Variants in TRPM7 observed in about 807,000 individuals in gnomAD.
TRPM7 encodes transient receptor potential cation channel subfamily M member 7.
Under a neutral mutation model 229.7 loss-of-function variants are expected in TRPM7, and 134 were observed. That is an observed-to-expected ratio of 0.58 (90% CI 0.51 to 0.67). TRPM7 has a LOEUF of 0.67. TRPM7 is among the 30% of genes least tolerant of loss of function. TRPM7 has a pLI of 0.00. For missense variants in TRPM7, 1,901 were observed against 2,210.0 expected, an observed-to-expected ratio of 0.86 and a Z score of 2.80; for synonymous variants, 699 against 715.2, an observed-to-expected ratio of 0.98 and a Z score of 0.36.
At chr15:50,649,754 C>T (rs922845678) in intron 3 of TRPM7, among the ~76,000 whole-genome samples, 1 of 152,104 alleles carries the variant, frequency 6.6e-6, no homozygotes, top group Admixed American at 6.6e-5. Flanking sequence ...TGGGCAGTCT[C>T]ATTGATTTGA....
intron 1 of TRPM7, among the ~76,000 whole-genome samples, chr15:50,672,501 T>C (rs1049167511): frequency 3.3e-5 from 5 of 151,962 alleles, no homozygotes; most frequent in Non-Finnish European, 5.9e-5. Context: ...AGATGAGAGG[T>C]GGAAGACAAT....
At chr15:50,586,603 C>T (rs2059349472) in intron 27 of TRPM7, 115 bp from the exon 28 acceptor site, 3 of 635,686 alleles carry the variant, frequency 4.7e-6, no homozygotes, top group Admixed American at 2.9e-5. Context: ...TTTATTCTAC[C>T]TGGACACCAA....
chr15:50,649,668 G>C (rs2061363227), intron 3 of TRPM7, among the ~76,000 whole-genome samples: 1 of 152,034 alleles, frequency 6.6e-6, no homozygotes, highest in Non-Finnish European at 1.5e-5. Flanking sequence ...TCTGAGGCTG[G>C]GGTACAAAGA....
rs189353151 is a variant in TRPM7 at position 50,590,540 on chromosome 15, C to G, written c.4325-884G>C. 3.3e-5 allele frequency among the ~76,000 whole-genome samples: 5 copies of G among 152,290 alleles called. No individual in the cohort carries two copies. The East Asian group carries it at 9.6e-4, about 29-fold the overall frequency. On this transcript the variant is annotated intron_variant, in intron 26 of 38. Transcript: ENST00000646667. The stretch of plus-strand genomic sequence containing the variant: ...ACTTACTGCTAGGCTATATGGAATT[C>G]ACTCTAGATATACAGATATGTAACT...
At chr15:50,576,304 T>A (rs937065762) in intron 31 of TRPM7, among the ~76,000 whole-genome samples, 17 of 152,224 alleles carry the variant, frequency 1.1e-4, no homozygotes, top group African/African-American at 4.1e-4. Flanking sequence ...ACTTCTGGAA[T>A]GTGAAACATA....
At chr15:50,643,683 A>G in intron 4 of TRPM7, 130 bp from the exon 5 acceptor site, 1 of 655,024 alleles carries the variant, frequency 1.5e-6, no homozygotes, top group Non-Finnish European at 2.6e-6. Context: ...GCTATTTTCA[A>G]TATATTTATA....
intron 10 of TRPM7, among the ~76,000 whole-genome samples, chr15:50,630,466 T>C (rs1353775892): frequency 6.6e-6 from 1 of 152,192 alleles, no homozygotes; most frequent in African/African-American, 2.4e-5. Flanking sequence ...GATTTTTCGC[T>C]ATAATGTTGT....
In TRPM7 at chr15:50,596,238, T is replaced by A. The variant is rs199918153; in HGVS notation, c.3290+17A>T. On this transcript the variant is annotated intron_variant, in intron 23 of 38. Coordinates refer to ENST00000646667, the MANE Select transcript of TRPM7 (RefSeq NM_017672.6). Reference sequence around the variant, plus strand: ...TATTAAATCATCTTATAACAAACAATTGAACAAAATTCTTACTTGAAAAAT... The same window carrying A: ...TATTAAATCATCTTATAACAAACAAATGAACAAAATTCTTACTTGAAAAAT... 1 of 1,449,882 alleles carries A rather than the reference T, an allele frequency of 6.9e-7. No individual in the cohort carries two copies. Among genetic ancestry groups the A allele is most frequent in the South Asian group, 1.5e-5 (1 of 68,912 alleles). 89.8% of individuals were successfully genotyped at this position (1,449,882 alleles called of 1,614,324 possible).
At chr15:50,670,889 G>A (rs2061973839) in intron 1 of TRPM7, among the ~76,000 whole-genome samples, 1 of 151,106 alleles carries the variant, frequency 6.6e-6, no homozygotes, top group South Asian at 2.1e-4. Flanking sequence ...AACATATTAA[G>A]TAGGCCAGGT....
intron 4 of TRPM7, among the ~76,000 whole-genome samples, chr15:50,644,228 GA>G (rs911429570): frequency 6.6e-6 from 1 of 151,770 alleles, no homozygotes; most frequent in East Asian, 1.9e-4. Context: ...TAGAAAAATA[GA>G]AAAAAAAGCT....
chr15:50,644,660 A>G (rs2061205598), intron 4 of TRPM7, among the ~76,000 whole-genome samples: 1 of 151,956 alleles, frequency 6.6e-6, no homozygotes, highest in Admixed American at 6.6e-5. Flanking sequence ...AAAATTAGCT[A>G]GGCGTGAGTG....
chr15:50,636,399 C>A (rs1454110478), intron 7 of TRPM7, among the ~76,000 whole-genome samples: 3 of 152,118 alleles, frequency 2.0e-5, no homozygotes, highest in African/African-American at 7.2e-5. Flanking sequence ...CCATACTGGT[C>A]AGTCTGGTCT....
intron 1 of TRPM7, among the ~76,000 whole-genome samples, chr15:50,679,988 C>G (rs1363563359): frequency 6.6e-6 from 1 of 150,834 alleles, no homozygotes; most frequent in South Asian, 2.1e-4. Context: ...AATCCCAGCA[C>G]TTTGGGGGGC....
chr15:50,638,797 C>T (rs1025984780), intron 6 of TRPM7, among the ~76,000 whole-genome samples: 3 of 151,986 alleles, frequency 2.0e-5, no homozygotes, highest in South Asian at 2.1e-4. Flanking sequence ...GCAATTCTCC[C>T]GCCTCAGCCT....
intron 3 of TRPM7, among the ~76,000 whole-genome samples, chr15:50,655,047 A>AGCAAAAT: frequency 8.2e-6 from 1 of 122,290 alleles, no homozygotes; most frequent in African/African-American, 2.9e-5. Context: ...TGGACAAAAC[A>AGCAAAAT]GCAAAATGGA....
chr15:50,610,210 G>A (rs1254517088), intron 17 of TRPM7, among the ~76,000 whole-genome samples: 1 of 151,912 alleles, frequency 6.6e-6, no homozygotes, highest in Non-Finnish European at 1.5e-5. Flanking sequence ...AAGGGTATAG[G>A]ATAGATTTAA....
intron 36 of TRPM7, among the ~76,000 whole-genome samples, chr15:50,571,980 A>C (rs2141484929): frequency 6.6e-6 from 1 of 152,342 alleles, no homozygotes; most frequent in Admixed American, 6.5e-5. Flanking sequence ...GTCCTTCATG[A>C]AAGGAAGAAT....
At position 50,621,428 on chromosome 15, in the gene TRPM7, A is replaced by T. The variant is rs180768986; in HGVS notation, c.1441-1630T>A. On this transcript the variant is annotated intron_variant, in intron 12 of 38. Coordinates refer to ENST00000646667, the MANE Select transcript of TRPM7 (RefSeq NM_017672.6). The stretch of plus-strand genomic sequence containing the variant: ...TTTATCCATTAAAAATAAATTGTTA[A>T]TAAATAATAAATGTACTTTAACACA... Among the ~76,000 whole-genome samples the T allele has an allele frequency of 2.8e-3, 431 of 152,284 alleles. 2 individuals are homozygous for T. The highest frequency in any genetic ancestry group is 9.9e-3 in the African/African-American group (412 of 41,562).
intron 4 of TRPM7, 40 bp from the exon 5 acceptor site, chr15:50,643,593 T>C: frequency 1.9e-6 from 3 of 1,545,642 alleles, no homozygotes; most frequent in African/African-American, 1.4e-5. Flanking sequence ...ATTGAACATG[T>C]TCACAGGTTT....
Sources: allele counts gnomAD v4.1 joint callset (sites outside exome capture counted in the v4.1 genomes callset), GRCh38; gene constraint gnomAD v4.1.1; transcripts MANE v1.5; gene names NCBI Gene and HGNC (gene_info 2026-07-23, HGNC 2026-07-21).